Variants in SLC26A11 observed in about 807,000 individuals in gnomAD.
SLC26A11 encodes the protein sodium-independent sulfate anion transporter.
Under a neutral mutation model 62.2 loss-of-function variants are expected in SLC26A11, and 58 were observed. The observed-to-expected ratio is 0.93, with a 90% CI of 0.76 to 1.16. SLC26A11 has a LOEUF of 1.16. SLC26A11 is among the 50% of genes most tolerant of loss of function. The probability of loss-of-function intolerance (pLI) is 0.00; values close to 1 mark genes in which losing one functional copy is unlikely to be tolerated. For synonymous variants in SLC26A11, 411 were observed against 368.9 expected (o/e 1.11, Z -1.31); for missense variants, 790 against 794.3 (o/e 0.99, Z 0.06).
At position 80,226,717 on chromosome 17, in the gene SLC26A11, C is replaced by G. The variant is rs371212894; in HGVS notation, c.593+801C>G. Reference sequence around the variant, plus strand: ...CTCCATCTCCGCCCTGCCCTGCCCCCCCGAAAAGAAAAGCCTCTGATGAGG... The same window carrying G: ...CTCCATCTCCGCCCTGCCCTGCCCCGCCGAAAAGAAAAGCCTCTGATGAGG... On this transcript the variant is annotated intron_variant, in intron 6 of 17. Transcript: ENST00000361193. Among the ~76,000 whole-genome samples the G allele has an allele frequency of 3.2e-4, 48 of 152,254 alleles. No individual in the cohort carries two copies. The East Asian group carries it at 6.4e-3, about 20-fold the overall frequency.
intron 9 of SLC26A11, among the ~76,000 whole-genome samples, chr17:80,239,420 C>T (rs1466119977): frequency 6.8e-6 from 1 of 146,972 alleles, no homozygotes; most frequent in Non-Finnish European, 1.5e-5. Flanking sequence ...GACGGAGTCT[C>T]GCTCTGTCGC....
chr17:80,249,137 CG>C lies in SLC26A11; in HGVS notation c.1523-14del. On this transcript the variant is annotated splice_polypyrimidine_tract_variant and intron_variant, in intron 15 of 17. Coordinates refer to ENST00000361193, the MANE Select transcript of SLC26A11 (RefSeq NM_001166347.2). Reference sequence around the variant, plus strand: ...CTGCTCTGGGTGGCGTGACCTGGCTCGGGCCTGTCTCCCCAGTGTCCCCGCC... The same window carrying C: ...CTGCTCTGGGTGGCGTGACCTGGCTCGGCCTGTCTCCCCAGTGTCCCCGCC... The C allele has an allele frequency of 1.2e-6, 2 of 1,600,506 alleles. No individual in the cohort carries two copies. The highest frequency in any genetic ancestry group is 1.7e-6 in the Non-Finnish European group (2 of 1,178,314).
At chr17:80,226,049 C>G (rs1160508173) in intron 6 of SLC26A11, 133 bp downstream of exon 6, 1 of 707,552 alleles carries the variant, frequency 1.4e-6, no homozygotes, top group Non-Finnish European at 2.4e-6. Flanking sequence ...CCATCAGCAG[C>G]ACCTGCAAGC....
rs1049437022 is a variant in SLC26A11 at position 80,241,499 on chromosome 17, A to G, written c.986-272A>G. ...GGTCTCGAACTCCTGGGCTCAAGCG[A>G]TCCTCCTGCCTTGGCCTCTAAAAGT... is the stretch of plus-strand genomic sequence containing the variant. On this transcript the variant is annotated intron_variant, in intron 9 of 17. Coordinates refer to ENST00000361193, the MANE Select transcript of SLC26A11 (RefSeq NM_001166347.2). Among the ~76,000 whole-genome samples, 6 of 152,070 alleles carry G rather than the reference A, an allele frequency of 3.9e-5. No individual in the cohort carries two copies. In the East Asian group the frequency reaches 9.7e-4, roughly 24 times the overall value.
chr17:80,223,346 G>A lies in SLC26A11; in HGVS notation c.513+9G>A, dbSNP rs762651109. 9 of 1,613,504 alleles carry A rather than the reference G, an allele frequency of 5.6e-6. No homozygotes were observed. Among genetic ancestry groups the A allele is most frequent in the East Asian group, 2.2e-5 (1 of 44,892 alleles). Reference sequence around the variant, plus strand: ...GCTTTGGACAGATCAAGGTAGGCACGGCGCCCACCCAGGGCACTGCTCTTT... The same window carrying A: ...GCTTTGGACAGATCAAGGTAGGCACAGCGCCCACCCAGGGCACTGCTCTTT... On this transcript the variant is annotated intron_variant, in intron 5 of 17. Transcript: ENST00000361193. This position sits in a 1 kb window ranked among gnomAD's most constrained non-coding sequence, Gnocchi z 4.6.
At chr17:80,227,599 AAAG>A (rs1387100688) in intron 6 of SLC26A11, among the ~76,000 whole-genome samples, 1 of 152,252 alleles carries the variant, frequency 6.6e-6, no homozygotes, top group African/African-American at 2.4e-5. Flanking sequence ...GTAGCTTGCT[AAAG>A]TTCCTGAGCT....
Position 80,246,537 on chromosome 17 carries a change from C to T in SLC26A11, c.1182C>T (p.Tyr394=), listed in dbSNP as rs756148308. Residue 394 remains tyrosine, a synonymous_variant, in exon 13 of 18, where the codon TAC becomes TAT. Coordinates refer to ENST00000361193, the MANE Select transcript of SLC26A11 (RefSeq NM_001166347.2). The surrounding 1 kb of genome is among the most constrained non-coding windows in gnomAD (Gnocchi z 4.4). The part of the protein sequence containing the change: ...TGVLVLLSLD[Y]LTSLFYYIPK... ...TGCTGGTGCTGCTGTCTCTGGACTA[C>T]CTGACCTCACTGTTCTACTACATCC... 5 of 1,613,042 alleles carry T rather than the reference C, an allele frequency of 3.1e-6. No homozygotes were observed. In the East Asian group the frequency reaches 1.1e-4, roughly 36 times the overall value.
chr17:80,223,335 A>C lies in SLC26A11; in HGVS notation c.511A>C (p.Lys171Gln). The C allele has an allele frequency of 6.2e-7, 1 of 1,613,724 alleles. No individual in the cohort carries two copies. The highest frequency in any genetic ancestry group is 8.5e-7 in the Non-Finnish European group (1 of 1,179,924). Reference sequence around the variant, plus strand: ...CGTCACCATCGGCTTTGGACAGATCAAGGTAGGCACGGCGCCCACCCAGGG... The same window carrying C: ...CGTCACCATCGGCTTTGGACAGATCCAGGTAGGCACGGCGCCCACCCAGGG... ...AAVTIGFGQI[K>Q]NLLGLQNIPR... Residue 171 changes from lysine (K) to glutamine (Q), a missense_variant and splice_region_variant, in exon 5 of 18, where the codon AAG (lysine) becomes CAG (glutamine). Physicochemically the swap from Lys to Gln is moderately conservative, Grantham distance 53 (BLOSUM62 1). Coordinates refer to ENST00000361193, the MANE Select transcript of SLC26A11 (RefSeq NM_001166347.2). The surrounding 1 kb of genome is among the most constrained non-coding windows in gnomAD (Gnocchi z 4.6).
In SLC26A11 at chr17:80,246,896, G is replaced by T. The variant is rs1740691058; in HGVS notation, c.1294+247G>T. 3.3e-5 allele frequency among the ~76,000 whole-genome samples: 5 copies of T among 151,962 alleles called. No homozygotes were observed. The highest frequency in any genetic ancestry group is 3.3e-4 in the Admixed American group (5 of 15,266). Reference sequence around the variant, plus strand: ...TTGAGGCGAGCACTGACCCGGGGGAGGGTCCCCTCCTGATCCCCCTGCCCC... The same window carrying T: ...TTGAGGCGAGCACTGACCCGGGGGATGGTCCCCTCCTGATCCCCCTGCCCC... On this transcript the variant is annotated intron_variant, in intron 13 of 17. Coordinates refer to ENST00000361193, the MANE Select transcript of SLC26A11 (RefSeq NM_001166347.2). This position sits in a 1 kb window ranked among gnomAD's most constrained non-coding sequence, Gnocchi z 4.4.
chr17:80,246,458 G>T lies in SLC26A11; in HGVS notation c.1154-51G>T. On this transcript the variant is annotated intron_variant, in intron 12 of 17. Transcript: ENST00000361193. This position sits in a 1 kb window ranked among gnomAD's most constrained non-coding sequence, Gnocchi z 4.4. ...TGAACAAGAGGCTGCTACGCTGCGT[G>T]CTGGGGGGACCCTGCACTCCCGAGG... The T allele has an allele frequency of 6.2e-7, 1 of 1,601,372 alleles. No homozygotes were observed. Among genetic ancestry groups the T allele is most frequent in the Non-Finnish European group, 8.5e-7 (1 of 1,179,096 alleles).
rs558918881 is a variant in SLC26A11, at chr17:80,243,774, C to T, written c.1037-1422C>T. Among the ~76,000 whole-genome samples, 5 of 152,334 alleles carry T rather than the reference C, an allele frequency of 3.3e-5. No individual in the cohort carries two copies. In the South Asian group the frequency reaches 8.3e-4, roughly 25 times the overall value. Reference sequence around the variant, plus strand: ...TTCCAGGGATACAACACAGACCGAGCGAAGGTCAAGGTTACTATGGCAGCC... The same window carrying T: ...TTCCAGGGATACAACACAGACCGAGTGAAGGTCAAGGTTACTATGGCAGCC... On this transcript the variant is annotated intron_variant, in intron 10 of 17. Coordinates refer to ENST00000361193, the MANE Select transcript of SLC26A11 (RefSeq NM_001166347.2).
At chr17:80,251,197 C>T (rs1567970945) in intron 16 of SLC26A11, 132 bp from the exon 17 acceptor site, 9 of 1,565,332 alleles carry the variant, frequency 5.7e-6, no homozygotes, top group Non-Finnish European at 7.8e-6. Flanking sequence ...TGCGTTTCTT[C>T]TCACCATTCA....
At chr17:80,235,035 A>T (rs2144918170) in intron 7 of SLC26A11, among the ~76,000 whole-genome samples, 1 of 152,008 alleles carries the variant, frequency 6.6e-6, no homozygotes, top group South Asian at 2.1e-4. Flanking sequence ...TTTTTAGTAA[A>T]GACAGAGCTT....
At chr17:80,241,186 A>G (rs1252143157) in intron 9 of SLC26A11, among the ~76,000 whole-genome samples, 1 of 152,240 alleles carries the variant, frequency 6.6e-6, no homozygotes, top group Non-Finnish European at 1.5e-5. Context: ...AAATGTCAAG[A>G]GTGCAGAAAC....
rs142373038 is a variant in SLC26A11 at position 80,236,931 on chromosome 17, G to A, written c.740G>A (p.Arg247His). 179 of 1,609,568 alleles carry A rather than the reference G, an allele frequency of 1.1e-4. 2 individuals carry two copies. Among genetic ancestry groups the A allele is most frequent in the African/African-American group, 7.5e-4 (56 of 74,964 alleles). ...RGLVWAATTA[R>H]NALVVSFAAL... ...CGCACCTCTCCTTCTCTCCTAGCTC[G>A]CAACGCCCTGGTGGTCTCCTTCGCA... Residue 247 changes from arginine to histidine, a missense_variant, in exon 8 of 18, where the codon CGC becomes CAC. By Grantham distance (29) the Arg-to-His change is conservative (BLOSUM62 0). Coordinates refer to ENST00000361193, the MANE Select transcript of SLC26A11 (RefSeq NM_001166347.2).
chr17:80,242,139 G>T (rs897820281), intron 10 of SLC26A11, among the ~76,000 whole-genome samples: 1 of 152,186 alleles, frequency 6.6e-6, no homozygotes, highest in African/African-American at 2.4e-5. Flanking sequence ...ACCATGCATG[G>T]CTAATTTTTG....
At position 80,252,650 on chromosome 17, in the gene SLC26A11, G is replaced by T. The variant is rs2043184555; in HGVS notation, c.1755G>T (p.Gly585=). 1 of 1,613,852 alleles carries T rather than the reference G, an allele frequency of 6.2e-7. No homozygotes were observed. The highest frequency in any genetic ancestry group is 1.3e-5 in the African/African-American group (1 of 74,926). ...AGAAGCACCTGAGGCAGGAGCCAGG[G>T]ACCCAGCCCTACAACATCAGAGAAG... ...EAEKHLRQEP[G]TQPYNIREDS... The change falls in exon 18 of 18, where the codon GGG becomes GGT. Residue 585 remains glycine, a synonymous_variant. Coordinates refer to ENST00000361193, the MANE Select transcript of SLC26A11 (RefSeq NM_001166347.2). This position sits in a 1 kb window ranked among gnomAD's most constrained non-coding sequence, Gnocchi z 5.2.
chr17:80,242,073 T>C (rs887836091), intron 10 of SLC26A11, among the ~76,000 whole-genome samples: 1 of 152,142 alleles, frequency 6.6e-6, no homozygotes, highest in African/African-American at 2.4e-5. Flanking sequence ...GCCTCCTGGG[T>C]TCAAGTGATT....
At chr17:80,235,495 T>A (rs2042669484) in intron 7 of SLC26A11, among the ~76,000 whole-genome samples, 1 of 152,230 alleles carries the variant, frequency 6.6e-6, no homozygotes, top group Non-Finnish European at 1.5e-5. Flanking sequence ...TAGCTGGGAC[T>A]ATAGGCATAT....
Sources: gnomAD v4.1 joint callset for allele counts (sites outside exome capture counted in the v4.1 genomes callset) on GRCh38, gnomAD v4.1.1 for gene constraint, Gnocchi (gnomAD v3.1) non-coding constraint, MANE v1.5 for transcripts, NCBI Gene and HGNC (gene_info 2026-07-23, HGNC 2026-07-21) for gene names.